The following TJP1 variants were observed in gnomAD, a reference collection of about 807,000 sequenced individuals.
TJP1 encodes the protein tight junction protein ZO-1.
In TJP1, 43 loss-of-function variants were observed where a neutral mutation model predicts 194.2. The observed-to-expected ratio is 0.22, with a 90% CI of 0.17 to 0.29. The LOEUF is 0.29. Ranked by LOEUF, TJP1 falls within the 10% of genes least tolerant of loss-of-function variation. The pLI is 1.00. For synonymous variants in TJP1, 801 were observed against 779.0 expected (o/e 1.03, Z -0.47); for missense variants, 1,971 against 2,185.7 (o/e 0.90, Z 1.96).
rs532060659 is a variant in TJP1 at position 29,942,816 on chromosome 15, G to A, written c.306+13416C>T. 1.6e-4 allele frequency among the ~76,000 whole-genome samples: 25 copies of A among 152,296 alleles called. No homozygotes were observed. In the South Asian group the frequency reaches 2.1e-3, roughly 13 times the overall value. On this transcript the variant is annotated intron_variant, in intron 2 of 28. Coordinates refer to the TJP1 transcript ENST00000356107. ...AACTGGGGCTGGCAAGGGCAGGCCCGGGGGGACCTGCAAGGGAGGGGACTT... is the reference window on the plus strand; with the variant it reads ...AACTGGGGCTGGCAAGGGCAGGCCCAGGGGGACCTGCAAGGGAGGGGACTT...
At chr15:29,711,419 G>A (rs2042237466) in intron 23 of TJP1, among the ~76,000 whole-genome samples, 1 of 152,126 alleles carries the variant, frequency 6.6e-6, no homozygotes, top group South Asian at 2.1e-4. Flanking sequence ...AGACTGGAGT[G>A]CAGTGGCGCG....
At chr15:29,850,875 C>T (rs1352698880) in intron 2 of TJP1, among the ~76,000 whole-genome samples, 4 of 151,964 alleles carry the variant, frequency 2.6e-5, no homozygotes, top group Non-Finnish European at 4.4e-5. Context: ...CAGTGGCTCA[C>T]GCCTGTAATC....
chr15:29,794,930 G>T (rs369392056), intron 2 of TJP1, among the ~76,000 whole-genome samples: 3 of 152,000 alleles, frequency 2.0e-5, no homozygotes, highest in Admixed American at 1.3e-4. Context: ...ACAAAAGTAG[G>T]TATTTTGAAA....
intron 2 of TJP1, among the ~76,000 whole-genome samples, chr15:29,908,836 T>C (rs145769517): frequency 0.04 from 6,101 of 151,980 alleles, 323 homozygotes; most frequent in African/African-American, 0.12. Flanking sequence ...CTGGCCAACA[T>C]GGTGAAACCC....
At chr15:29,736,621 TA>T (rs2044050228) in intron 11 of TJP1, among the ~76,000 whole-genome samples, 1 of 152,234 alleles carries the variant, frequency 6.6e-6, no homozygotes, top group African/African-American at 2.4e-5. Context: ...ACTATGTCAC[TA>T]GGTGAAACCG....
chr15:29,948,368 T>C (rs1441669018), intron 2 of TJP1, among the ~76,000 whole-genome samples: 2 of 152,236 alleles, frequency 1.3e-5, no homozygotes, highest in African/African-American at 4.8e-5. Context: ...ATTAATACCA[T>C]GTCTTTTATC....
chr15:29,881,600 T>G (rs1449958519), intron 2 of TJP1, among the ~76,000 whole-genome samples: 1 of 152,216 alleles, frequency 6.6e-6, no homozygotes, highest in Admixed American at 6.5e-5. Context: ...TAACTGAATG[T>G]GACAGGTTCA....
Position 29,822,080 on chromosome 15 carries a change from C to T in TJP1, c.-52G>A. Reference sequence around the variant, plus strand: ...GCTCCTCGGACCCGAAACTCCGCGGCGCTGGCCCGCCCGCTCCTCACGCCA... The same window carrying T: ...GCTCCTCGGACCCGAAACTCCGCGGTGCTGGCCCGCCCGCTCCTCACGCCA... On this transcript the variant is annotated 5_prime_UTR_variant, in exon 1 of 28. Transcript: ENST00000614355. 2.4e-6 allele frequency: 3 copies of T among 1,245,940 alleles called. No homozygotes were observed. Among genetic ancestry groups the T allele is most frequent in the Middle Eastern group, 2.3e-4 (1 of 4,354 alleles). The allele number at this position is 1,245,940 out of a possible 1,614,324, so 77.2% of individuals were successfully genotyped here. A position where few individuals can be genotyped will look rare whatever the true frequency, so the allele number is the denominator to read the frequency against.
intron 25 of TJP1, among the ~76,000 whole-genome samples, chr15:29,708,130 A>C (rs1051160054): frequency 2.1e-5 from 3 of 145,574 alleles, no homozygotes; most frequent in African/African-American, 7.7e-5. Context: ...CAGGGGGTGG[A>C]GGTTGCAGTG....
chr15:29,822,075 C>A lies in TJP1; in HGVS notation c.-47G>T. Reference sequence around the variant, plus strand: ...GCGAGGCTCCTCGGACCCGAAACTCCGCGGCGCTGGCCCGCCCGCTCCTCA... The same window carrying A: ...GCGAGGCTCCTCGGACCCGAAACTCAGCGGCGCTGGCCCGCCCGCTCCTCA... On this transcript the variant is annotated 5_prime_UTR_variant, in exon 1 of 28. Coordinates refer to ENST00000614355, the MANE Select transcript of TJP1 (RefSeq NM_001330239.4). The A allele has an allele frequency of 8.0e-7, 1 of 1,257,120 alleles. No homozygotes were observed. 77.9% of individuals were successfully genotyped at this position (1,257,120 alleles called of 1,614,324 possible).
chr15:29,774,488 T>G (rs12915307), intron 2 of TJP1, among the ~76,000 whole-genome samples: 2 of 152,054 alleles, frequency 1.3e-5, no homozygotes, highest in African/African-American at 4.8e-5. Flanking sequence ...CATGCTAAGG[T>G]GAAGAAACCA....
chr15:29,868,336 T>G (rs772623133), intron 2 of TJP1, among the ~76,000 whole-genome samples: 10 of 152,138 alleles, frequency 6.6e-5, no homozygotes, highest in Admixed American at 3.3e-4. Flanking sequence ...TGCAAAAGCT[T>G]AGGATAAAAT....
At chr15:29,832,999 C>A (rs554275827) in intron 2 of TJP1, among the ~76,000 whole-genome samples, 24 of 152,168 alleles carry the variant, frequency 1.6e-4, no homozygotes, top group African/African-American at 4.6e-4. Flanking sequence ...ACTTGGCTGG[C>A]ACACTTTCCT....
chr15:29,779,862 T>G (rs554926206), intron 2 of TJP1, among the ~76,000 whole-genome samples: 1 of 152,108 alleles, frequency 6.6e-6, no homozygotes, highest in African/African-American at 2.4e-5. Flanking sequence ...TGTATCCCCC[T>G]TGAAGTGCAA....
intron 8 of TJP1, among the ~76,000 whole-genome samples, chr15:29,751,030 A>G (rs2045241859): frequency 6.6e-6 from 1 of 152,242 alleles, no homozygotes; most frequent in African/African-American, 2.4e-5. Context: ...CCAGTTTCAT[A>G]CTTAGAATGT....
chr15:29,700,027 T>G (rs1294312809), downstream of TJP1: 5 of 340,520 alleles, frequency 1.5e-5, no homozygotes, highest in Admixed American at 2.4e-4. Flanking sequence ...AAATTCTGCA[T>G]GCAACACCAG....
At chr15:29,873,965 A>G (rs1258868931) in intron 2 of TJP1, among the ~76,000 whole-genome samples, 1 of 152,118 alleles carries the variant, frequency 6.6e-6, no homozygotes, top group Non-Finnish European at 1.5e-5. Context: ...CAGGCTCAAA[A>G]CTCTAAATTA....
At position 29,725,291 on chromosome 15, in the gene TJP1, T is replaced by C. The variant is rs188274503; in HGVS notation, c.2412+1088A>G. ...AAAAACCATAGTTCTGACACATTAC[T>C]ATAGGTGAGAACAATAGACACTGCC... On this transcript the variant is annotated intron_variant, in intron 18 of 27. Transcript: ENST00000614355. Among the ~76,000 whole-genome samples, 31 of 152,266 alleles carry C rather than the reference T, an allele frequency of 2.0e-4. No homozygotes were observed. The East Asian group carries it at 5.4e-3, about 27-fold the overall frequency.
intron 8 of TJP1, among the ~76,000 whole-genome samples, chr15:29,743,226 T>C (rs1269512544): frequency 6.6e-6 from 1 of 152,134 alleles, no homozygotes; most frequent in Non-Finnish European, 1.5e-5. Flanking sequence ...TAAGACTCAA[T>C]GAAGCCACAG....
Sources: gnomAD v4.1 joint callset for allele counts (sites outside exome capture counted in the v4.1 genomes callset) on GRCh38, gnomAD v4.1.1 for gene constraint, MANE v1.5 for transcripts, NCBI Gene and HGNC (gene_info 2026-07-23, HGNC 2026-07-21) for gene names.